The following MLIP variants were observed in gnomAD, a reference collection of about 807,000 sequenced individuals.
MLIP encodes the protein muscular LMNA-interacting protein.
A neutral mutation model predicts 84.8 loss-of-function variants in MLIP; 79 were observed. The observed-to-expected ratio is 0.93, with a 90% CI of 0.78 to 1.12. The LOEUF (loss-of-function observed/expected upper bound fraction) is 1.12. MLIP is among the 50% of genes most tolerant of loss of function. The pLI is 0.00. For missense variants in MLIP, 1,257 were observed against 1,160.6 expected (o/e 1.08, Z -1.21); for synonymous variants, 504 against 463.0 (o/e 1.09, Z -1.14).
intron 1 of MLIP, among the ~76,000 whole-genome samples, chr6:54,022,332 G>A (rs1389108590): frequency 3.3e-5 from 5 of 152,188 alleles, no homozygotes. Flanking sequence ...ATATTTTAAT[G>A]TGTGTGCAAT....
At chr6:54,050,172 C>A (rs1228779829) in intron 1 of MLIP, among the ~76,000 whole-genome samples, 1 of 151,976 alleles carries the variant, frequency 6.6e-6, no homozygotes, top group Non-Finnish European at 1.5e-5. Context: ...AAGGATTAAG[C>A]CTTGTATATA....
At chr6:54,200,035 A>G (rs1205824393) in intron 10 of MLIP, among the ~76,000 whole-genome samples, 1 of 152,168 alleles carries the variant, frequency 6.6e-6, no homozygotes, top group Non-Finnish European at 1.5e-5. Flanking sequence ...CAGGAAACTC[A>G]TAAGAACTAA....
chr6:54,130,598 T>C (rs1210449981), intron 3 of MLIP, among the ~76,000 whole-genome samples: 2 of 152,124 alleles, frequency 1.3e-5, no homozygotes, highest in Admixed American at 6.6e-5. Context: ...CACTAGACAC[T>C]AGGGGTACAT....
intron 1 of MLIP, among the ~76,000 whole-genome samples, chr6:54,106,065 C>T (rs956378629): frequency 4.6e-5 from 7 of 152,076 alleles, no homozygotes; most frequent in African/African-American, 1.4e-4. Flanking sequence ...GATTAGCATG[C>T]AAAGTTTATT....
intron 5 of MLIP, among the ~76,000 whole-genome samples, chr6:54,156,023 C>T (rs138940683): frequency 1.6e-3 from 245 of 151,888 alleles, no homozygotes; most frequent in African/African-American, 5.5e-3. Flanking sequence ...GACTTTTACC[C>T]GAAATGAATA....
At chr6:54,195,489 G>A (rs916517331) in intron 10 of MLIP, among the ~76,000 whole-genome samples, 17 of 152,068 alleles carry the variant, frequency 1.1e-4, no homozygotes, top group African/African-American at 4.1e-4. Flanking sequence ...ATTGGTCATG[G>A]ATTCTCTAGG....
intron 9 of MLIP, among the ~76,000 whole-genome samples, chr6:54,186,959 G>A (rs1034574017): frequency 6.6e-6 from 1 of 152,012 alleles, no homozygotes; most frequent in African/African-American, 2.4e-5. Flanking sequence ...ACCTATATGG[G>A]AATCTATTGC....
At chr6:54,117,929 A>AT (rs1347391008) in intron 1 of MLIP, among the ~76,000 whole-genome samples, 1 of 151,628 alleles carries the variant, frequency 6.6e-6, no homozygotes, top group Non-Finnish European at 1.5e-5. Flanking sequence ...TGGGTGACAG[A>AT]ATGAGACTCT....
intron 13 of MLIP, 141 bp from the exon 14 acceptor site, chr6:54,265,809 A>C (rs1783652359): frequency 4.2e-6 from 3 of 712,766 alleles, no homozygotes; most frequent in Non-Finnish European, 7.1e-6. Flanking sequence ...TACTTAAGGA[A>C]TAAAAATAAG....
At chr6:54,151,444 G>A (rs991514938) in intron 5 of MLIP, among the ~76,000 whole-genome samples, 2 of 152,022 alleles carry the variant, frequency 1.3e-5, no homozygotes, top group Non-Finnish European at 2.9e-5. Flanking sequence ...AAATAAAAGG[G>A]ATTTATTTCT....
chr6:54,216,887 T>C (rs907580791), intron 11 of MLIP: 2 of 985,276 alleles, frequency 2.0e-6, no homozygotes, highest in African/African-American at 1.7e-5. Flanking sequence ...ATGCTGTCTG[T>C]AAAGTGTTGG....
At chr6:54,248,272 A>G (rs1456113618) in intron 12 of MLIP, among the ~76,000 whole-genome samples, 1 of 152,164 alleles carries the variant, frequency 6.6e-6, no homozygotes, top group East Asian at 1.9e-4. Flanking sequence ...AAAACAATTG[A>G]AAATGATGTT....
chr6:54,112,164 G>A (rs186845431), intron 1 of MLIP, among the ~76,000 whole-genome samples: 1 of 152,170 alleles, frequency 6.6e-6, no homozygotes, highest in Non-Finnish European at 1.5e-5. Flanking sequence ...CAAGTGCAAT[G>A]CTGTTAACAT....
At chr6:54,253,715 G>A (rs968620204) in intron 12 of MLIP, among the ~76,000 whole-genome samples, 9 of 152,088 alleles carry the variant, frequency 5.9e-5, no homozygotes, top group Non-Finnish European at 1.5e-5. Flanking sequence ...GCATGCTAGT[G>A]ACAAACACTT....
chr6:54,198,291 G>A (rs886781547), intron 10 of MLIP, among the ~76,000 whole-genome samples: 1 of 152,128 alleles, frequency 6.6e-6, no homozygotes, highest in Non-Finnish European at 1.5e-5. Flanking sequence ...AAGGGTCAAA[G>A]TGCTAGCAGA....
chr6:54,194,354 T>G (rs141855658), intron 10 of MLIP, among the ~76,000 whole-genome samples: 5 of 152,280 alleles, frequency 3.3e-5, no homozygotes, highest in Non-Finnish European at 7.4e-5. Flanking sequence ...CGTACTTAAG[T>G]GCCACAGCAT....
chr6:54,073,082 A>G (rs1315880834), intron 1 of MLIP, among the ~76,000 whole-genome samples: 3 of 152,100 alleles, frequency 2.0e-5, no homozygotes, highest in African/African-American at 7.2e-5. Context: ...GATGGGACCC[A>G]TTCCCTGCAA....
chr6:54,215,392 T>G (rs1779785840), intron 11 of MLIP: 1 of 1,294,516 alleles, frequency 7.7e-7, no homozygotes, highest in Admixed American at 3.8e-5. Context: ...CCATTTCTAA[T>G]GGAACCCATA....
At chr6:54,190,205 A>G (rs557550481) in intron 10 of MLIP, among the ~76,000 whole-genome samples, 5 of 152,126 alleles carry the variant, frequency 3.3e-5, no homozygotes, top group Non-Finnish European at 7.4e-5. Context: ...TAGAGAAGAG[A>G]GCACACTCTT....
Sources: allele counts gnomAD v4.1 joint callset (sites outside exome capture counted in the v4.1 genomes callset), GRCh38; gene constraint gnomAD v4.1.1; transcripts MANE v1.5; gene names NCBI Gene and HGNC (gene_info 2026-07-23, HGNC 2026-07-21).